GALNT5: variants seen among roughly 807,000 people sequenced by gnomAD.
GALNT5 encodes UDP-GalNAc:polypeptide N-acetylgalactosaminyltransferase 5.
A neutral mutation model predicts 85.4 loss-of-function variants in GALNT5; 72 were observed. That is an observed-to-expected ratio of 0.84 (90% CI 0.70 to 1.03). GALNT5 has a LOEUF of 1.03. Ranked by LOEUF, GALNT5 falls within the 50% of genes least tolerant of loss-of-function variation. The pLI is 0.00. For missense variants in GALNT5, 1,137 were observed against 1,135.5 expected, an observed-to-expected ratio of 1.00 and a Z score of -0.02; for synonymous variants, 404 against 397.0, an observed-to-expected ratio of 1.02 and a Z score of -0.21.
intron 3 of GALNT5, among the ~76,000 whole-genome samples, chr2:157,286,693 C>T (rs908665528): frequency 5.9e-5 from 9 of 152,000 alleles, no homozygotes; most frequent in African/African-American, 1.7e-4. Flanking sequence ...TTAATAGAGA[C>T]GGGGTTTCAC....
intron 3 of GALNT5, among the ~76,000 whole-genome samples, chr2:157,294,440 A>C (rs1304726819): frequency 6.6e-6 from 1 of 152,236 alleles, no homozygotes; most frequent in Non-Finnish European, 1.5e-5. Flanking sequence ...ATAGTGAGTC[A>C]GAGTCGAGCA....
intron 4 of GALNT5, 80 bp from the exon 5 acceptor site, chr2:157,296,314 C>A: frequency 9.0e-7 from 1 of 1,105,790 alleles, no homozygotes; most frequent in Non-Finnish European, 1.4e-6. Flanking sequence ...CATTTGATTA[C>A]ATCGTGAAGC....
intron 5 of GALNT5, among the ~76,000 whole-genome samples, 156 bp from the exon 6 acceptor site, chr2:157,299,392 C>A (rs1683289971): frequency 6.6e-6 from 1 of 152,196 alleles, no homozygotes; most frequent in African/African-American, 2.4e-5. Context: ...GATCGCATCA[C>A]TTAAGCCCTA....
At chr2:157,278,619 T>G (rs968817625) in intron 1 of GALNT5, among the ~76,000 whole-genome samples, 34 of 152,222 alleles carry the variant, frequency 2.2e-4, no homozygotes, top group African/African-American at 8.0e-4. Flanking sequence ...TATTGAAGCT[T>G]GTGCATGCAT....
intron 1 of GALNT5, among the ~76,000 whole-genome samples, chr2:157,262,382 ATCTCAGCACTT>A (rs1682362669): frequency 6.6e-6 from 1 of 152,112 alleles, no homozygotes; most frequent in African/African-American, 2.4e-5. Context: ...CAAGCCTGTA[ATCTCAGCACTT>A]TGGGAGGACA....
chr2:157,318,048 T>C lies in GALNT5; in HGVS notation c.*6700T>C, dbSNP rs1315497204. The stretch of plus-strand genomic sequence containing the variant: ...TGCATTTTACAATCCTATTGTTTTT[T>C]AGAGTGATGAAAGTTCAAGTTTTAA... On this transcript the variant is annotated 3_prime_UTR_variant, in exon 10 of 10. Transcript: ENST00000259056. 1.3e-5 allele frequency among the ~76,000 whole-genome samples: 2 copies of C among 152,204 alleles called. No homozygotes were observed. Among genetic ancestry groups the C allele is most frequent in the Admixed American group, 1.3e-4 (2 of 15,262 alleles).
At position 157,258,509 on chromosome 2, in the gene GALNT5, A is replaced by C. The variant is rs1558886208; in HGVS notation, c.427A>C (p.Lys143Gln). ...QTLPVTPNKQ[K>Q]TDGRGTKPEA... ...CCTCCCTGTGACTCCTAACAAGCAG[A>C]AGACAGACGGGAGAGGCACCAAACC... is the stretch of plus-strand genomic sequence containing the variant. Residue 143 changes from lysine (K) to glutamine (Q), a missense_variant, in exon 1 of 10, where the codon AAG (lysine) becomes CAG (glutamine). Physicochemically the swap from Lys to Gln is moderately conservative, Grantham distance 53. Coordinates refer to ENST00000259056, the MANE Select transcript of GALNT5 (RefSeq NM_014568.3). 1 of 1,611,362 alleles carries C rather than the reference A, an allele frequency of 6.2e-7. No individual in the cohort carries two copies. Among genetic ancestry groups the C allele is most frequent in the East Asian group, 2.2e-5 (1 of 44,722 alleles).
rs754620922 is a variant in GALNT5 at position 157,259,059 on chromosome 2, C to A, written c.977C>A (p.Thr326Asn). 6 of 1,474,054 alleles carry A rather than the reference C, an allele frequency of 4.1e-6. No homozygotes were observed. In the South Asian group the frequency reaches 9.6e-5, roughly 24 times the overall value. 91.3% of individuals were successfully genotyped at this position (1,474,054 alleles called of 1,614,324 possible). Residue 326 changes from threonine to asparagine, a missense_variant, in exon 1 of 10, where the codon ACC becomes AAC. Coordinates refer to ENST00000259056, the MANE Select transcript of GALNT5 (RefSeq NM_014568.3). ...TCTGAAAGCCATCTTGTGATTATAACCAAAGAGGAAGAGCAAAAGGCAGAC... is the reference window on the plus strand; with the variant it reads ...TCTGAAAGCCATCTTGTGATTATAAACAAAGAGGAAGAGCAAAAGGCAGAC... Reference protein sequence around the residue: ...NFSESHLVIITKEEEQKADPK... With the variant: ...NFSESHLVIINKEEEQKADPK...
chr2:157,299,718 T>A, intron 6 of GALNT5, 53 bp downstream of exon 6: 1 of 969,754 alleles, frequency 1.0e-6, no homozygotes, highest in Non-Finnish European at 1.6e-6. Flanking sequence ...TAATCAATTT[T>A]AAATGGTTTG....
At chr2:157,267,604 C>T (rs1281895386) in intron 1 of GALNT5, among the ~76,000 whole-genome samples, 2 of 152,190 alleles carry the variant, frequency 1.3e-5, no homozygotes, top group Non-Finnish European at 2.9e-5. Context: ...CCACATCACA[C>T]CACCTCCTCC....
intron 1 of GALNT5, among the ~76,000 whole-genome samples, 164 bp from the exon 2 acceptor site, chr2:157,284,118 T>TA (rs1250024253): frequency 6.6e-6 from 1 of 152,216 alleles, no homozygotes; most frequent in African/African-American, 2.4e-5. Flanking sequence ...TGATAAATAA[T>TA]AAAATCATCA....
intron 3 of GALNT5, among the ~76,000 whole-genome samples, chr2:157,294,779 TCACACCACACA>T (rs1683175424): frequency 1.1e-5 from 1 of 94,108 alleles, no homozygotes; most frequent in Admixed American, 1.3e-4. Flanking sequence ...ACACATCACA[TCACACCACACA>T]CACACACACA....
chr2:157,274,994 A>C (rs1211892613), intron 1 of GALNT5, among the ~76,000 whole-genome samples: 1 of 152,180 alleles, frequency 6.6e-6, no homozygotes. Flanking sequence ...ATCCATCTTG[A>C]ATTAATTTTT....
intron 1 of GALNT5, among the ~76,000 whole-genome samples, chr2:157,269,586 A>G (rs1048170059): frequency 2.0e-5 from 3 of 152,176 alleles, no homozygotes; most frequent in African/African-American, 7.2e-5. Context: ...CTGCCCATGT[A>G]GGGTACTAAT....
chr2:157,274,744 G>A (rs921218669), intron 1 of GALNT5, among the ~76,000 whole-genome samples: 1 of 152,080 alleles, frequency 6.6e-6, no homozygotes, highest in African/African-American at 2.4e-5. Flanking sequence ...TTTGTCAGAT[G>A]GGTAGATTGC....
chr2:157,270,245 A>C (rs963768463), intron 1 of GALNT5, among the ~76,000 whole-genome samples: 21 of 152,258 alleles, frequency 1.4e-4, no homozygotes, highest in Admixed American at 1.3e-4. Context: ...GACTCATATT[A>C]ATCCAGCAAT....
chr2:157,264,770 C>G (rs1033786931), intron 1 of GALNT5, among the ~76,000 whole-genome samples: 1 of 151,810 alleles, frequency 6.6e-6, no homozygotes, highest in Non-Finnish European at 1.5e-5. Context: ...GGGGAGGAGA[C>G]AGAAGAGAGA....
chr2:157,291,714 GAAAAT>G (rs1683105104), intron 3 of GALNT5, among the ~76,000 whole-genome samples: 1 of 133,822 alleles, frequency 7.5e-6, no homozygotes. Context: ...TTAGAAAACA[GAAAAT>G]CCTAACAGGT....
chr2:157,270,263 A>G (rs1682553544), intron 1 of GALNT5, among the ~76,000 whole-genome samples: 1 of 152,148 alleles, frequency 6.6e-6, no homozygotes, highest in South Asian at 2.1e-4. Context: ...AATTTGCTTT[A>G]TCTCTTCTTA....
Sources: allele counts gnomAD v4.1 joint callset (sites outside exome capture counted in the v4.1 genomes callset), GRCh38; gene constraint gnomAD v4.1.1; transcripts MANE v1.5; gene names NCBI Gene and HGNC (gene_info 2026-07-23, HGNC 2026-07-21).